The following ERCC4 variants were observed in gnomAD, a reference collection of about 807,000 sequenced individuals.
ERCC4 encodes DNA repair endonuclease XPF.
ERCC4 carries 65 observed loss-of-function variants against 76.9 expected under a neutral mutation model. The ratio of observed to expected loss-of-function variants is 0.84; its 90% confidence interval spans 0.69 to 1.04. The LOEUF is 1.04. Among genes scored for constraint, ERCC4 ranks in the 50% least tolerant of loss-of-function variants. ERCC4 has a pLI of 0.00. For missense variants in ERCC4, 1,214 were observed against 1,128.2 expected, an observed-to-expected ratio of 1.08 and a Z score of -1.09; for synonymous variants, 463 against 410.1, an observed-to-expected ratio of 1.13 and a Z score of -1.56.
At chr16:13,922,852 T>A (rs2032004603) in intron 2 of ERCC4, among the ~76,000 whole-genome samples, 1 of 152,264 alleles carries the variant, frequency 6.6e-6, no homozygotes, top group Non-Finnish European at 1.5e-5. Flanking sequence ...AGTAAATATC[T>A]GTGACCTGAA....
In ERCC4 at chr16:13,920,198, C is replaced by A. The variant is rs3136042; in HGVS notation, c.33C>A (p.Ala11=). ...CAGGGCAGCCGGCTCGACGGATTGC[C>A]ATGGCGCCGCTGCTGGAGTACGAGC... MESGQPARRI[A]MAPLLEYERQ... Residue 11 remains alanine, a synonymous_variant, in exon 1 of 11, where the codon GCC becomes GCA. Coordinates refer to ENST00000311895, the MANE Select transcript of ERCC4 (RefSeq NM_005236.3). The A allele has an allele frequency of 1.2e-6, 2 of 1,607,092 alleles. No homozygotes were observed. The highest frequency in any genetic ancestry group is 2.2e-5 in the South Asian group (2 of 91,072).
chr16:13,939,087 G>C (rs544200822), intron 9 of ERCC4, among the ~76,000 whole-genome samples: 1 of 152,094 alleles, frequency 6.6e-6, no homozygotes, highest in East Asian at 1.9e-4. Context: ...TGTTTATGTC[G>C]TATATGTGGG....
intron 9 of ERCC4, among the ~76,000 whole-genome samples, chr16:13,940,622 G>A (rs2032395044): frequency 6.6e-6 from 1 of 152,208 alleles, no homozygotes; most frequent in African/African-American, 2.4e-5. Flanking sequence ...TAGACACAGA[G>A]TACCTCCATG....
Position 13,935,448 on chromosome 16 carries a change from G to A in ERCC4, c.1516G>A (p.Glu506Lys), listed in dbSNP as rs2141607493. 1 of 1,614,140 alleles carries A rather than the reference G, an allele frequency of 6.2e-7. No individual in the cohort carries two copies. The highest frequency in any genetic ancestry group is 8.5e-7 in the Non-Finnish European group (1 of 1,180,032). ...QMVGKPEELE[E>K]EGDVEEGYRR... Reference sequence around the variant, plus strand: ...GGTAGGAAAACCTGAAGAACTGGAAGAGGAAGGAGATGTCGAGGAAGGATA... The same window carrying A: ...GGTAGGAAAACCTGAAGAACTGGAAAAGGAAGGAGATGTCGAGGAAGGATA... Residue 506 changes from glutamate (E) to lysine (K), a missense_variant, in exon 8 of 11, where the codon GAG (glutamate) becomes AAG (lysine). By Grantham distance (56) the Glu-to-Lys change is moderately conservative (BLOSUM62 1). Transcript: ENST00000311895.
chr16:13,925,472 CATT>C (rs1241817717), intron 2 of ERCC4, among the ~76,000 whole-genome samples: 3 of 152,158 alleles, frequency 2.0e-5, no homozygotes, highest in Non-Finnish European at 2.9e-5. Context: ...TCCTAAATAA[CATT>C]ATTAATTTTT....
rs953610923 is a variant in ERCC4 at position 13,933,066 on chromosome 16, A to C, written c.1102+781A>C. On this transcript the variant is annotated intron_variant, in intron 6 of 10. Coordinates refer to ENST00000311895, the MANE Select transcript of ERCC4 (RefSeq NM_005236.3). ...GTCTCAAAAAAAAAAAAAAAAAAAA[A>C]ACACAAAAACTTTTAAAGTAGCCTG... 3.1e-4 allele frequency: 125 copies of C among 407,424 alleles called. 3 individuals carry two copies. The highest frequency in any genetic ancestry group is 2.9e-3 in the East Asian group (37 of 12,686). The allele number at this position is 407,424 out of a possible 1,614,324, so 25.2% of individuals were successfully genotyped here.
chr16:13,922,506 G>T, intron 2 of ERCC4: 1 of 745,364 alleles, frequency 1.3e-6, no homozygotes, highest in Non-Finnish European at 2.5e-6. Context: ...AGGCGTCGAA[G>T]ATGCTCGCTT....
chr16:13,952,190 C>T lies in ERCC4; in HGVS notation c.*3843C>T, dbSNP rs2032639605. ...GTGTTTAATAAAATATATATTTATT[C>T]AGTACTTTCCTCAGTATTTTATGGG... On this transcript the variant is annotated 3_prime_UTR_variant, in exon 11 of 11. Transcript: ENST00000311895. 1.1e-5 allele frequency: 2 copies of T among 186,786 alleles called. No homozygotes were observed. The highest frequency in any genetic ancestry group is 2.0e-4 in the South Asian group (1 of 5,116). The allele number at this position is 186,786 out of a possible 1,614,324, so 11.6% of individuals were successfully genotyped here.
intron 9 of ERCC4, among the ~76,000 whole-genome samples, chr16:13,943,784 C>T (rs2032461048): frequency 7.1e-6 from 1 of 141,580 alleles, no homozygotes; most frequent in South Asian, 2.3e-4. Context: ...AGTTGTGAAC[C>T]CAAGCAGGGA....
chr16:13,952,074 GT>G lies in ERCC4; in HGVS notation c.*3734del. 1 of 195,616 alleles carries G rather than the reference GT, an allele frequency of 5.1e-6. No individual in the cohort carries two copies. Among genetic ancestry groups the G allele is most frequent in the African/African-American group, 2.3e-5 (1 of 43,280 alleles). The allele number at this position is 195,616 out of a possible 1,614,324, so 12.1% of individuals were successfully genotyped here. A position where few individuals can be genotyped will look rare whatever the true frequency, so the allele number is the denominator to read the frequency against. On this transcript the variant is annotated 3_prime_UTR_variant, in exon 11 of 11. Transcript: ENST00000311895. ...TGGTAGCCTAAACCGCTATGCTGTT[GT>G]TTTTTTAATTTAAAGATGTATAAGC...
chr16:13,922,690 C>T (rs369774190), intron 2 of ERCC4: 3 of 420,590 alleles, frequency 7.1e-6, no homozygotes, highest in Admixed American at 3.6e-5. Flanking sequence ...CTTGGAGGCA[C>T]GGACCGGAGA....
chr16:13,941,612 A>G (rs1015378699), intron 9 of ERCC4, among the ~76,000 whole-genome samples: 36 of 152,200 alleles, frequency 2.4e-4, no homozygotes, highest in African/African-American at 8.7e-4. Flanking sequence ...TGGATTAAAG[A>G]TCTGTAGATT....
At chr16:13,920,633 G>C (rs1368818475) in intron 1 of ERCC4, among the ~76,000 whole-genome samples, 1 of 152,130 alleles carries the variant, frequency 6.6e-6, no homozygotes, top group Non-Finnish European at 1.5e-5. Context: ...AGAATTGGAG[G>C]GGCCCCGAGA....
At position 13,949,809 on chromosome 16, in the gene ERCC4, A is replaced by T. The variant is rs1307783161; in HGVS notation, c.*1462A>T. 1 of 232,090 alleles carries T rather than the reference A, an allele frequency of 4.3e-6. No homozygotes were observed. The highest frequency in any genetic ancestry group is 8.5e-6 in the Non-Finnish European group (1 of 117,444). The allele number at this position is 232,090 out of a possible 1,614,324, so 14.4% of individuals were successfully genotyped here. On this transcript the variant is annotated 3_prime_UTR_variant, in exon 11 of 11. Coordinates refer to ENST00000311895, the MANE Select transcript of ERCC4 (RefSeq NM_005236.3). Reference sequence around the variant, plus strand: ...TTGAGTAATGGGTAGTAAATTTTCTACCTCAGGAGCTGATATAGACATCAG... The same window carrying T: ...TTGAGTAATGGGTAGTAAATTTTCTTCCTCAGGAGCTGATATAGACATCAG...
intron 9 of ERCC4, among the ~76,000 whole-genome samples, chr16:13,940,335 C>T (rs1309342525): frequency 6.6e-6 from 1 of 151,524 alleles, no homozygotes; most frequent in Non-Finnish European, 1.5e-5. Flanking sequence ...TTGCAGTGAG[C>T]TTAGATCGTG....
In ERCC4 at chr16:13,926,763, AACATTATGTG is replaced by A; in HGVS notation, c.584+11_584+20del. 6.2e-7 allele frequency: 1 copy of A among 1,600,356 alleles called. No homozygotes were observed. ...AACTGTATCTGTGGCCAAGGTAAAG[AACATTATGTG>A]ACAAATAATGATGACATTATTTGTC... On this transcript the variant is annotated splice_region_variant and intron_variant, in intron 3 of 10. Coordinates refer to ENST00000311895, the MANE Select transcript of ERCC4 (RefSeq NM_005236.3).
intron 2 of ERCC4, among the ~76,000 whole-genome samples, chr16:13,925,071 T>A (rs187744942): frequency 6.6e-6 from 1 of 152,346 alleles, no homozygotes; most frequent in Non-Finnish European, 1.5e-5. Context: ...GCTTGCTGGA[T>A]GACCTTGGTT....
At position 13,922,188 on chromosome 16, in the gene ERCC4, G is replaced by C; in HGVS notation, c.365G>C (p.Arg122Thr). Reference sequence around the variant, plus strand: ...CTTGTGGTTGACTTCTTGACTGATAGAATACCTTCAGATTTAATTACTGGT... The same window carrying C: ...CTTGTGGTTGACTTCTTGACTGATACAATACCTTCAGATTTAATTACTGGT... ...RILVVDFLTD[R>T]IPSDLITGIL... Residue 122 changes from arginine to threonine, a missense_variant, in exon 2 of 11, where the codon AGA (arginine) becomes ACA (threonine). Coordinates refer to ENST00000311895, the MANE Select transcript of ERCC4 (RefSeq NM_005236.3). The C allele has an allele frequency of 1.2e-6, 2 of 1,609,742 alleles. No homozygotes were observed. The highest frequency in any genetic ancestry group is 1.7e-6 in the Non-Finnish European group (2 of 1,176,266).
At chr16:13,944,930 A>C in intron 10 of ERCC4, 95 bp downstream of exon 10, 1 of 791,838 alleles carries the variant, frequency 1.3e-6, no homozygotes, top group Non-Finnish European at 2.2e-6. Flanking sequence ...GTATTAACAA[A>C]CTCTTAAAAA....
Sources: allele counts gnomAD v4.1 joint callset (sites outside exome capture counted in the v4.1 genomes callset), GRCh38; gene constraint gnomAD v4.1.1; transcripts MANE v1.5; gene names NCBI Gene and HGNC (gene_info 2026-07-23, HGNC 2026-07-21).